The following AKAP19 variants were observed in gnomAD, a reference collection of about 807,000 sequenced individuals.
AKAP19 encodes the protein small A-kinase anchoring protein.
chr2:189,981,492 G>A, the AKAP19 span, among the ~76,000 whole-genome samples: 1 of 151,978 alleles, frequency 6.6e-6, no homozygotes, highest in African/African-American at 2.4e-5. Context: ...GAACATTTAG[G>A]CTGTTAATGT....
At chr2:190,011,097 G>A in the AKAP19 span, among the ~76,000 whole-genome samples, 78 of 102,708 alleles carry the variant, frequency 7.6e-4, 1 homozygote, top group African/African-American at 2.9e-3. Flanking sequence ...TTGCTCTGTT[G>A]CCCAGGCTGG....
At chr2:190,024,079 T>G in the AKAP19 span, among the ~76,000 whole-genome samples, 3 of 151,966 alleles carry the variant, frequency 2.0e-5, no homozygotes, top group East Asian at 5.8e-4. Context: ...GTAAATGTAT[T>G]TATGTTATGC....
the AKAP19 span, among the ~76,000 whole-genome samples, chr2:190,022,307 G>A: frequency 2.0e-5 from 3 of 151,968 alleles, no homozygotes; most frequent in South Asian, 2.1e-4. Context: ...GATCATATAC[G>A]GATTGGCAGT....
the AKAP19 span, among the ~76,000 whole-genome samples, chr2:190,097,830 T>C: frequency 2.6e-5 from 3 of 117,606 alleles, no homozygotes; most frequent in African/African-American, 6.9e-5. Flanking sequence ...AGGACCAGCC[T>C]GAGCAACACA....
the AKAP19 span, among the ~76,000 whole-genome samples, chr2:190,090,612 A>C: frequency 1.3e-5 from 2 of 152,208 alleles, no homozygotes; most frequent in African/African-American, 2.4e-5. Context: ...TAGCTGCCAT[A>C]GCTAACTGAT....
At chr2:189,906,247 G>T in the AKAP19 span, among the ~76,000 whole-genome samples, 1 of 151,996 alleles carries the variant, frequency 6.6e-6, no homozygotes, top group African/African-American at 2.4e-5. Context: ...TCTCAATTCT[G>T]CAAGTTCCTT....
chr2:189,999,578 C>G, the AKAP19 span, among the ~76,000 whole-genome samples: 1 of 152,142 alleles, frequency 6.6e-6, no homozygotes, highest in African/African-American at 2.4e-5. Context: ...GAAGGGCTTT[C>G]TTTAGACTTT....
the AKAP19 span, among the ~76,000 whole-genome samples, chr2:190,115,977 C>T: frequency 1.1e-4 from 17 of 152,248 alleles, no homozygotes; most frequent in East Asian, 2.7e-3. Context: ...TGTATGTGTA[C>T]GTGTTGATGC....
At chr2:190,078,273 G>T in the AKAP19 span, among the ~76,000 whole-genome samples, 1 of 152,090 alleles carries the variant, frequency 6.6e-6, no homozygotes, top group African/African-American at 2.4e-5. Context: ...CTTCTCCTAG[G>T]AATTATAGTC....
At chr2:190,094,087 C>T in the AKAP19 span, among the ~76,000 whole-genome samples, 1 of 152,208 alleles carries the variant, frequency 6.6e-6, no homozygotes. Context: ...ACAGAGTAAG[C>T]TCCTAGGTTG....
the AKAP19 span, among the ~76,000 whole-genome samples, chr2:190,198,370 G>A: frequency 3.3e-5 from 5 of 152,186 alleles, no homozygotes; most frequent in African/African-American, 9.6e-5. Flanking sequence ...GCCAGGCACA[G>A]TGGCTCACGC....
chr2:190,049,080 T>A, the AKAP19 span, among the ~76,000 whole-genome samples: 1 of 152,096 alleles, frequency 6.6e-6, no homozygotes, highest in African/African-American at 2.4e-5. Context: ...CAAATATTTT[T>A]AAATTCTGCA....
the AKAP19 span, among the ~76,000 whole-genome samples, chr2:190,100,688 A>AT: frequency 5.9e-5 from 9 of 151,916 alleles, no homozygotes; most frequent in East Asian, 1.9e-4. Flanking sequence ...ACAATTAGAA[A>AT]TTTTTTTTTC....
chr2:189,914,132 A>G, the AKAP19 span, among the ~76,000 whole-genome samples: 1 of 152,052 alleles, frequency 6.6e-6, no homozygotes, highest in Non-Finnish European at 1.5e-5. Flanking sequence ...CCACTACTGA[A>G]CTGTCTCACA....
chr2:189,931,765 C>T, the AKAP19 span, among the ~76,000 whole-genome samples: 7 of 152,154 alleles, frequency 4.6e-5, no homozygotes, highest in Non-Finnish European at 8.8e-5. Context: ...ACTATAGGCA[C>T]GCACCACCAT....
the AKAP19 span, among the ~76,000 whole-genome samples, chr2:189,936,836 C>A: frequency 7.9e-5 from 12 of 152,132 alleles, no homozygotes; most frequent in Admixed American, 3.3e-4. Context: ...CTAGAAAATA[C>A]AAACTGGGCC....
chr2:190,070,776 T>A, the AKAP19 span, among the ~76,000 whole-genome samples: 1 of 152,198 alleles, frequency 6.6e-6, no homozygotes, highest in Non-Finnish European at 1.5e-5. Context: ...TTTCTGGAAA[T>A]CTAATATATT....
At chr2:189,984,980 T>G in the AKAP19 span, among the ~76,000 whole-genome samples, 1 of 152,092 alleles carries the variant, frequency 6.6e-6, no homozygotes, top group Non-Finnish European at 1.5e-5. Flanking sequence ...CTATGCAAGC[T>G]GGCCACTCTC....
chr2:190,057,671 C>A, the AKAP19 span: 1 of 1,610,216 alleles, frequency 6.2e-7, no homozygotes, highest in South Asian at 1.1e-5. Flanking sequence ...TCAGTAATAT[C>A]AATAGGCCTG....
Sources: allele counts gnomAD v4.1 joint callset (sites outside exome capture counted in the v4.1 genomes callset), GRCh38; gene constraint gnomAD v4.1.1; transcripts MANE v1.5; gene names NCBI Gene and HGNC (gene_info 2026-07-23, HGNC 2026-07-21).